GPC6: variants seen among roughly 807,000 people sequenced by gnomAD.
GPC6 encodes the protein glypican 6, also known as glypican-6.
GPC6 carries 14 observed loss-of-function variants against 55.2 expected under a neutral mutation model. The observed-to-expected ratio is 0.25, with a 90% CI of 0.17 to 0.40. The LOEUF is 0.40. Ranked by LOEUF, GPC6 falls within the 10% of genes least tolerant of loss-of-function variation. GPC6 has a pLI of 1.00. For missense variants in GPC6, 641 were observed against 708.5 expected (o/e 0.90, Z 1.08); for synonymous variants, 278 against 259.6 (o/e 1.07, Z -0.68).
Position 94,399,105 on chromosome 13 carries a change from G to A in GPC6, c.1465+464G>A, listed in dbSNP as rs868649498. Among the ~76,000 whole-genome samples, 36 of 152,192 alleles carry A rather than the reference G, an allele frequency of 2.4e-4. 1 individual carries two copies. The highest frequency in any genetic ancestry group is 3.4e-3 in the Middle Eastern group (1 of 294). On this transcript the variant is annotated intron_variant, in intron 8 of 8. Coordinates refer to ENST00000377047, the MANE Select transcript of GPC6 (RefSeq NM_005708.5). ...GTCTCTACAAATTACTCTACTTCTT[G>A]AGTCTCAGGTTCCTCTTCTATAGAA...
chr13:93,224,400 GT>G (rs533584280), upstream of GPC6, among the ~76,000 whole-genome samples: 44 of 149,822 alleles, frequency 2.9e-4, no homozygotes, highest in African/African-American at 1.1e-3. Context: ...CTCCATGTTG[GT>G]CAAGCTCGTC....
chr13:93,520,485 T>A (rs1010950332), intron 1 of GPC6, among the ~76,000 whole-genome samples: 1 of 151,916 alleles, frequency 6.6e-6, no homozygotes, highest in African/African-American at 2.4e-5. Context: ...TAAGTATTAG[T>A]TTTGCTTTAA....
intron 2 of GPC6, among the ~76,000 whole-genome samples, chr13:93,574,053 T>C (rs1332153309): frequency 1.3e-5 from 2 of 152,156 alleles, no homozygotes; most frequent in Non-Finnish European, 2.9e-5. Flanking sequence ...TCAAGTATCC[T>C]ACGAACTTTG....
intron 2 of GPC6, among the ~76,000 whole-genome samples, chr13:93,708,078 A>C (rs183044269): frequency 5.8e-4 from 88 of 151,978 alleles, no homozygotes; most frequent in African/African-American, 2.0e-3. Context: ...AACATCAAAC[A>C]ATAATGATAT....
At chr13:93,672,148 G>GT (rs5805816) in intron 2 of GPC6, among the ~76,000 whole-genome samples, 75,966 of 134,026 alleles carry the variant, frequency 0.57, 21,549 homozygotes, top group Middle Eastern at 0.79. Flanking sequence ...TAAGTTCTGG[G>GT]TTTTTTTTTT....
intron 2 of GPC6, among the ~76,000 whole-genome samples, chr13:93,829,106 A>G (rs1887386218): frequency 6.6e-6 from 1 of 152,164 alleles, no homozygotes; most frequent in Non-Finnish European, 1.5e-5. Context: ...ATAAACGGGG[A>G]CTATGAAGAG....
rs988017366 is a variant in GPC6, at chr13:93,235,144, T to C, written c.160+7528T>C. Among the ~76,000 whole-genome samples the C allele has an allele frequency of 4.9e-4, 75 of 152,162 alleles. 1 individual carries two copies. Among genetic ancestry groups the C allele is most frequent in the African/African-American group, 1.8e-3 (75 of 41,426 alleles). ...GTTTTAATCTAAGTACCAAATATCATTACTGATTATAATAACAACGAGAGG... is the reference window on the plus strand; with the variant it reads ...GTTTTAATCTAAGTACCAAATATCACTACTGATTATAATAACAACGAGAGG... On this transcript the variant is annotated intron_variant, in intron 1 of 8. Transcript: ENST00000377047.
At chr13:93,780,599 A>G (rs1197658306) in intron 2 of GPC6, among the ~76,000 whole-genome samples, 2 of 140,618 alleles carry the variant, frequency 1.4e-5, no homozygotes, top group Admixed American at 1.4e-4. Context: ...AAAAATACAC[A>G]CACACACACA....
intron 1 of GPC6, among the ~76,000 whole-genome samples, chr13:93,377,569 C>G (rs1874963246): frequency 6.6e-6 from 1 of 152,190 alleles, no homozygotes; most frequent in South Asian, 2.1e-4. Context: ...GTCCACTACT[C>G]TAGAGCCCTC....
intron 4 of GPC6, among the ~76,000 whole-genome samples, chr13:94,200,698 T>A (rs1380654198): frequency 6.6e-6 from 1 of 152,224 alleles, no homozygotes; most frequent in South Asian, 2.1e-4. Context: ...ACTCAATAGA[T>A]GTTTGAGTTG....
At chr13:94,062,842 T>C (rs1314491594) in intron 4 of GPC6, among the ~76,000 whole-genome samples, 1 of 152,284 alleles carries the variant, frequency 6.6e-6, no homozygotes, top group South Asian at 2.1e-4. Context: ...CTTACATATA[T>C]AGAGAGTGAG....
At chr13:93,812,397 AAAG>A (rs1242480556) in intron 2 of GPC6, among the ~76,000 whole-genome samples, 1 of 152,062 alleles carries the variant, frequency 6.6e-6, no homozygotes, top group Non-Finnish European at 1.5e-5. Flanking sequence ...GAAAAAAAAA[AAAG>A]AAGGAGATCT....
At chr13:93,563,597 A>C (rs1025369041) in intron 2 of GPC6, among the ~76,000 whole-genome samples, 19 of 152,126 alleles carry the variant, frequency 1.2e-4, no homozygotes, top group Non-Finnish European at 2.1e-4. Flanking sequence ...TCTCAGACAC[A>C]ATAAACGAGA....
chr13:94,123,615 G>A lies in GPC6; in HGVS notation c.877+95721G>A, dbSNP rs1348502104. ...TTATTTATCATTTTTCAGAAACCAA[G>A]AGTTAAAAACTTCCCAAAATGCCAC... is the stretch of plus-strand genomic sequence containing the variant. On this transcript the variant is annotated intron_variant, in intron 4 of 8. Coordinates refer to ENST00000377047, the MANE Select transcript of GPC6 (RefSeq NM_005708.5). Among the ~76,000 whole-genome samples, 3 of 151,898 alleles carry A rather than the reference G, an allele frequency of 2.0e-5. No individual in the cohort carries two copies. In the South Asian group the frequency reaches 6.2e-4, roughly 31 times the overall value.
At chr13:93,466,425 G>T (rs1878907320) in intron 1 of GPC6, among the ~76,000 whole-genome samples, 1 of 152,028 alleles carries the variant, frequency 6.6e-6, no homozygotes, top group African/African-American at 2.4e-5. Context: ...AGAAAATTTT[G>T]CTAACCTGTT....
At chr13:93,922,064 A>T (rs1877602513) in intron 3 of GPC6, among the ~76,000 whole-genome samples, 1 of 152,196 alleles carries the variant, frequency 6.6e-6, no homozygotes, top group Non-Finnish European at 1.5e-5. Flanking sequence ...ATATTGAATC[A>T]CATCAGAGGG....
rs566738562 is a variant in GPC6, at chr13:93,737,960, T to C, written c.320-92194T>C. Among the ~76,000 whole-genome samples, 12 of 152,270 alleles carry C rather than the reference T, an allele frequency of 7.9e-5. No homozygotes were observed. The East Asian group carries it at 2.3e-3, about 29-fold the overall frequency. The stretch of plus-strand genomic sequence containing the variant: ...GAAGCAACACTGAAAACTCACTTGA[T>C]GTCATGCTCCTCAAACTTCTTATAT... On this transcript the variant is annotated intron_variant, in intron 2 of 8. Transcript: ENST00000377047.
At chr13:93,275,228 T>C (rs1877689454) in intron 1 of GPC6, among the ~76,000 whole-genome samples, 1 of 152,206 alleles carries the variant, frequency 6.6e-6, no homozygotes, top group Non-Finnish European at 1.5e-5. Context: ...CTAATGGTTA[T>C]TTTTCTAAAA....
chr13:93,712,637 T>C (rs1377535300), intron 2 of GPC6, among the ~76,000 whole-genome samples: 1 of 151,698 alleles, frequency 6.6e-6, no homozygotes, highest in South Asian at 2.1e-4. Flanking sequence ...GAGTCCTAAA[T>C]GGAGTGTAGT....
Sources: allele counts gnomAD v4.1 joint callset (sites outside exome capture counted in the v4.1 genomes callset), GRCh38; gene constraint gnomAD v4.1.1; transcripts MANE v1.5; gene names NCBI Gene and HGNC (gene_info 2026-07-23, HGNC 2026-07-21).